RNF216: variants seen among roughly 807,000 people sequenced by gnomAD.
The protein encoded by RNF216 is ring finger protein 216, also known as E3 ubiquitin-protein ligase RNF216.
Under a neutral mutation model 110.8 loss-of-function variants are expected in RNF216, and 72 were observed. The observed-to-expected ratio is 0.65, with a 90% CI of 0.54 to 0.79. The LOEUF is 0.79. RNF216 is among the 30% of genes least tolerant of loss of function. The probability of loss-of-function intolerance (pLI) is 0.00; values close to 1 mark genes in which losing one functional copy is unlikely to be tolerated. For missense variants in RNF216, 1,342 were observed against 1,141.2 expected (o/e 1.18, Z -2.54); for synonymous variants, 495 against 407.5 (o/e 1.21, Z -2.59).
At chr7:5,706,061 A>G (rs1455402071) in intron 13 of RNF216, among the ~76,000 whole-genome samples, 1 of 151,944 alleles carries the variant, frequency 6.6e-6, no homozygotes, top group Non-Finnish European at 1.5e-5. Context: ...TCTACTAAAA[A>G]TGCAAAAAAT....
chr7:5,713,365 AC>A (rs1434321006), intron 11 of RNF216: 2 of 154,088 alleles, frequency 1.3e-5, no homozygotes, highest in African/African-American at 4.8e-5. Flanking sequence ...GAACAGCTGG[AC>A]CACACGGCTC....
intron 13 of RNF216, among the ~76,000 whole-genome samples, chr7:5,669,612 G>A (rs1207838058): frequency 1.3e-5 from 2 of 152,192 alleles, no homozygotes; most frequent in Non-Finnish European, 2.9e-5. Flanking sequence ...GACTGTGTTG[G>A]CCAGGTGCAG....
intron 13 of RNF216, among the ~76,000 whole-genome samples, chr7:5,690,890 C>G (rs1402931799): frequency 6.6e-6 from 1 of 152,198 alleles, no homozygotes; most frequent in East Asian, 1.9e-4. Context: ...TGTACACATT[C>G]ATCATGGAAT....
intron 13 of RNF216, among the ~76,000 whole-genome samples, chr7:5,684,365 C>T (rs1015782431): frequency 9.2e-5 from 14 of 151,662 alleles, no homozygotes; most frequent in Non-Finnish European, 1.9e-4. Flanking sequence ...CCTTGGCCTC[C>T]CAAAGTCCTG....
chr7:5,729,002 T>G (rs988562130), intron 7 of RNF216, among the ~76,000 whole-genome samples: 1 of 152,126 alleles, frequency 6.6e-6, no homozygotes, highest in Non-Finnish European at 1.5e-5. Context: ...CTGGGAGCTG[T>G]CAGTAGCTGC....
intron 13 of RNF216, among the ~76,000 whole-genome samples, chr7:5,682,506 C>G (rs566939047): frequency 2.0e-5 from 3 of 151,158 alleles, no homozygotes; most frequent in African/African-American, 7.3e-5. Flanking sequence ...TTCCTGGGTT[C>G]AAGCGATTCT....
chr7:5,777,345 C>T (rs553073045), intron 1 of RNF216: 1 of 152,306 alleles, frequency 6.6e-6, no homozygotes, highest in Admixed American at 6.5e-5. Context: ...CAACAGATAA[C>T]TGAAACAGAG....
At chr7:5,756,541 T>C (rs1795652483) in intron 2 of RNF216, among the ~76,000 whole-genome samples, 2 of 152,202 alleles carry the variant, frequency 1.3e-5, no homozygotes, top group Admixed American at 1.3e-4. Context: ...ATTACAGGCT[T>C]CCAACACCAT....
chr7:5,697,325 T>C (rs1257823051), intron 13 of RNF216, among the ~76,000 whole-genome samples: 1 of 152,226 alleles, frequency 6.6e-6, no homozygotes, highest in Non-Finnish European at 1.5e-5. Context: ...TTGCCCTTTC[T>C]CTTTCTTACT....
At chr7:5,754,125 T>A (rs926470821) in intron 2 of RNF216, among the ~76,000 whole-genome samples, 61 of 84,636 alleles carry the variant, frequency 7.2e-4, no homozygotes, top group African/African-American at 2.6e-3. Context: ...GTGTGGTGTG[T>A]GTGTGTGTGT....
At chr7:5,728,928 A>AC (rs1278388206) in intron 7 of RNF216, among the ~76,000 whole-genome samples, 4 of 152,054 alleles carry the variant, frequency 2.6e-5, no homozygotes, top group Non-Finnish European at 5.9e-5. Flanking sequence ...ACAAACCAGC[A>AC]CCCTCCTCAC....
intron 1 of RNF216, among the ~76,000 whole-genome samples, chr7:5,774,673 A>G (rs1796678730): frequency 1.3e-5 from 2 of 152,242 alleles, no homozygotes; most frequent in Admixed American, 1.3e-4. Flanking sequence ...GCTGCATTGT[A>G]ATCACAAGTA....
rs1301479186 is a variant in RNF216 at position 5,668,258 on chromosome 7, CG to C, written c.2062-15749del. ...TTTTTTTTGAGATGGAGTCTCGCTC[CG>C]TTGGCCCCGGCTGGAGTGCAGTGGC... On this transcript the variant is annotated intron_variant, in intron 13 of 16. Coordinates refer to ENST00000389902, the MANE Select transcript of RNF216 (RefSeq NM_207111.4). 3.4e-4 allele frequency among the ~76,000 whole-genome samples: 51 copies of C among 150,294 alleles called. 1 individual carries two copies. The highest frequency in any genetic ancestry group is 1.2e-3 in the African/African-American group (49 of 40,632).
chr7:5,637,993 G>C (rs911526410), intron 15 of RNF216, among the ~76,000 whole-genome samples: 4 of 152,102 alleles, frequency 2.6e-5, no homozygotes, highest in Admixed American at 2.0e-4. Context: ...GGCCCTCCCC[G>C]CAACAACCTG....
At chr7:5,762,300 A>G (rs1795975392) in intron 1 of RNF216, among the ~76,000 whole-genome samples, 1 of 152,090 alleles carries the variant, frequency 6.6e-6, no homozygotes, top group African/African-American at 2.4e-5. Context: ...AGGTGGATGG[A>G]TCACCTAAGG....
chr7:5,663,291 G>C (rs1789269353), intron 13 of RNF216, among the ~76,000 whole-genome samples: 1 of 152,110 alleles, frequency 6.6e-6, no homozygotes, highest in Non-Finnish European at 1.5e-5. Flanking sequence ...ATAAAAAAAA[G>C]TTCACTTGGC....
At chr7:5,707,009 C>G (rs1792333884) in intron 13 of RNF216, among the ~76,000 whole-genome samples, 1 of 152,234 alleles carries the variant, frequency 6.6e-6, no homozygotes, top group Non-Finnish European at 1.5e-5. Flanking sequence ...ATTCAGTTTA[C>G]AGAGCACCAT....
chr7:5,712,175 T>A (rs568343819), intron 12 of RNF216, among the ~76,000 whole-genome samples: 2 of 152,332 alleles, frequency 1.3e-5, no homozygotes, highest in South Asian at 4.1e-4. Flanking sequence ...TGCCAAGATA[T>A]GTAGACAGAA....
intron 11 of RNF216, among the ~76,000 whole-genome samples, chr7:5,714,490 T>C (rs1792916627): frequency 6.6e-6 from 1 of 152,102 alleles, no homozygotes; most frequent in South Asian, 2.1e-4. Context: ...ACTCCTGACC[T>C]CAGGTGATCC....
Sources: allele counts gnomAD v4.1 joint callset (sites outside exome capture counted in the v4.1 genomes callset), GRCh38; gene constraint gnomAD v4.1.1; transcripts MANE v1.5; gene names NCBI Gene and HGNC (gene_info 2026-07-23, HGNC 2026-07-21).